The following CASTOR2 variants were observed in gnomAD, a reference collection of about 807,000 sequenced individuals.
CASTOR2 encodes the protein GATS protein like 2.
A neutral mutation model predicts 31.2 loss-of-function variants in CASTOR2; 8 were observed. The ratio of observed to expected loss-of-function variants is 0.26; its 90% CI spans 0.15 to 0.46. CASTOR2 has a LOEUF of 0.46. Ranked by LOEUF, CASTOR2 falls within the 20% of genes least tolerant of loss-of-function variation. The pLI, the probability that CASTOR2 is intolerant of heterozygous loss-of-function variation, is 0.99. For missense variants in CASTOR2, 216 were observed against 382.1 expected, an observed-to-expected ratio of 0.57 and a Z score of 3.62; for synonymous variants, 162 against 158.7, an observed-to-expected ratio of 1.02 and a Z score of -0.16.
intron 1 of CASTOR2, among the ~76,000 whole-genome samples, chr7:74,999,183 A>AT (rs1203005222): frequency 5.3e-5 from 8 of 150,414 alleles, no homozygotes; most frequent in South Asian, 2.1e-4. Context: ...TTTTATTTTT[A>AT]TTTTTTTTAG....
At chr7:75,018,916 C>G in intron 4 of CASTOR2, 56 bp from the exon 5 acceptor site, 1 of 1,551,588 alleles carries the variant, frequency 6.4e-7, no homozygotes, top group Non-Finnish European at 8.7e-7. Context: ...CTGCACCCAC[C>G]AGAGCTGCTG....
intron 1 of CASTOR2, among the ~76,000 whole-genome samples, chr7:74,989,453 G>A (rs1464850518): frequency 5.9e-5 from 9 of 151,778 alleles, no homozygotes; most frequent in South Asian, 2.1e-4. Flanking sequence ...ATGGAGTCTC[G>A]CTCTGTCACC....
intron 7 of CASTOR2, among the ~76,000 whole-genome samples, chr7:75,022,667 C>T (rs1317386922): frequency 6.6e-6 from 1 of 152,064 alleles, no homozygotes; most frequent in South Asian, 2.1e-4. Flanking sequence ...GGCACAGTGG[C>T]GTGCGCCTGT....
In CASTOR2 at chr7:74,996,824, G is replaced by A. The variant is rs1177652353; in HGVS notation, c.114-11170G>A. On this transcript the variant is annotated intron_variant, in intron 1 of 8. Coordinates refer to ENST00000616305, the MANE Select transcript of CASTOR2 (RefSeq NM_001145064.3). The stretch of plus-strand genomic sequence containing the variant: ...GCTCACTGCAACCTTCGCCTCCCAG[G>A]TTCAAGCAATTCTTCCGCCTCAGCC... Among the ~76,000 whole-genome samples the A allele has an allele frequency of 5.5e-4, 74 of 134,606 alleles. 3 individuals carry two copies. The highest frequency in any genetic ancestry group is 2.0e-3 in the African/African-American group (72 of 36,794). 88.3% of individuals were successfully genotyped at this position (134,606 alleles called of 152,430 possible). A position where few individuals can be genotyped will look rare whatever the true frequency, so the allele number is the denominator to read the frequency against.
intron 2 of CASTOR2, among the ~76,000 whole-genome samples, chr7:75,015,384 C>G (rs1288348689): frequency 6.6e-6 from 1 of 152,220 alleles, no homozygotes; most frequent in Non-Finnish European, 1.5e-5. Context: ...ATCCTCCCAC[C>G]TCAACCTCCC....
intron 1 of CASTOR2, among the ~76,000 whole-genome samples, chr7:74,985,315 C>T (rs1247798924): frequency 6.6e-6 from 1 of 151,934 alleles, no homozygotes; most frequent in Non-Finnish European, 1.5e-5. Context: ...GGGTTGGGGA[C>T]AATGGCTCAC....
At chr7:75,015,960 G>A (rs1306334214) in intron 2 of CASTOR2, among the ~76,000 whole-genome samples, 3 of 152,168 alleles carry the variant, frequency 2.0e-5, no homozygotes, top group Admixed American at 6.6e-5. Context: ...CCAGCTACTC[G>A]GGAGGCCGAG....
At chr7:75,015,828 A>G (rs1804851368) in intron 2 of CASTOR2, among the ~76,000 whole-genome samples, 1 of 151,976 alleles carries the variant, frequency 6.6e-6, no homozygotes, top group South Asian at 2.1e-4. Flanking sequence ...GCCCTTTGAG[A>G]GGCCAAGGCG....
Position 75,028,301 on chromosome 7 carries a change from G to T in CASTOR2, c.*3602G>T, listed in dbSNP as rs1246590794. Among the ~76,000 whole-genome samples the T allele has an allele frequency of 6.6e-6, 1 of 151,772 alleles. No homozygotes were observed. The highest frequency in any genetic ancestry group is 1.5e-5 in the Non-Finnish European group (1 of 67,916). ...ACACGCGGCTAATTTTTGTATTTTT[G>T]GTAGAGACGGGGTTTCACCATGTTG... On this transcript the variant is annotated 3_prime_UTR_variant, in exon 9 of 9. Transcript: ENST00000616305.
chr7:75,004,452 CTTT>C (rs1192035620), intron 1 of CASTOR2, among the ~76,000 whole-genome samples: 2 of 136,258 alleles, frequency 1.5e-5, no homozygotes, highest in African/African-American at 5.5e-5. Flanking sequence ...CTAGCACAGG[CTTT>C]TTTTTTTTTT....
At position 75,020,028 on chromosome 7, in the gene CASTOR2, C is replaced by T; in HGVS notation, c.636-11C>T. On this transcript the variant is annotated splice_polypyrimidine_tract_variant and intron_variant, in intron 5 of 8. Transcript: ENST00000616305. Reference sequence around the variant, plus strand: ...GGGGCCCCATCTTTACCAGCTGCCTCTGGTCCCCAGAGTGAAGGACCCCAT... The same window carrying T: ...GGGGCCCCATCTTTACCAGCTGCCTTTGGTCCCCAGAGTGAAGGACCCCAT... 1 of 1,551,048 alleles carries T rather than the reference C, an allele frequency of 6.4e-7. No individual in the cohort carries two copies. Among genetic ancestry groups the T allele is most frequent in the South Asian group, 1.2e-5 (1 of 84,038 alleles).
chr7:74,985,822 C>T (rs1804049616), intron 1 of CASTOR2, among the ~76,000 whole-genome samples: 1 of 152,038 alleles, frequency 6.6e-6, no homozygotes, highest in Non-Finnish European at 1.5e-5. Flanking sequence ...GTGGTTGCTC[C>T]AGATGGATAC....
chr7:74,995,669 G>A (rs1439978356), intron 1 of CASTOR2, among the ~76,000 whole-genome samples: 2 of 151,998 alleles, frequency 1.3e-5, no homozygotes, highest in African/African-American at 4.8e-5. Flanking sequence ...TTAGCCAGGT[G>A]TGGTGGCAGG....
At chr7:74,993,843 A>G (rs1263579265) in intron 1 of CASTOR2, among the ~76,000 whole-genome samples, 1 of 150,588 alleles carries the variant, frequency 6.6e-6, no homozygotes, top group Non-Finnish European at 1.5e-5. Flanking sequence ...TCTCTCTGCT[A>G]CTTTAGCTGG....
intron 1 of CASTOR2, among the ~76,000 whole-genome samples, chr7:74,992,488 G>C (rs1400106713): frequency 1.3e-5 from 2 of 152,104 alleles, no homozygotes; most frequent in Non-Finnish European, 2.9e-5. Context: ...CACCCAGGCT[G>C]GAGTGCAGTG....
intron 1 of CASTOR2, among the ~76,000 whole-genome samples, chr7:74,998,877 G>A (rs1454077214): frequency 7.2e-5 from 11 of 151,994 alleles, no homozygotes; most frequent in African/African-American, 2.4e-4. Context: ...TGCCCTATCC[G>A]TCCCCTTTGG....
At position 74,970,237 on chromosome 7, in the gene CASTOR2, G is replaced by A. The variant is rs1234164150; in HGVS notation, c.113+5139G>A. Among the ~76,000 whole-genome samples, 79 of 120,008 alleles carry A rather than the reference G, an allele frequency of 6.6e-4. 1 individual carries two copies. The highest frequency in any genetic ancestry group is 4.9e-3 in the South Asian group (16 of 3,296). The allele number at this position is 120,008 out of a possible 152,430, so 78.7% of individuals were successfully genotyped here. A position where few individuals can be genotyped will look rare whatever the true frequency, so the allele number is the denominator to read the frequency against. On this transcript the variant is annotated intron_variant, in intron 1 of 8. Coordinates refer to ENST00000616305, the MANE Select transcript of CASTOR2 (RefSeq NM_001145064.3). ...AAGCAGAGCCCAGCGACCCTGTCCC[G>A]GGTCTGCTGAACCAGGCCTCTGCCC...
chr7:74,999,345 A>C (rs1218147743), intron 1 of CASTOR2, among the ~76,000 whole-genome samples: 1 of 151,974 alleles, frequency 6.6e-6, no homozygotes, highest in Non-Finnish European at 1.5e-5. Flanking sequence ...ACTCCTGTTC[A>C]GGATCGCCCT....
At chr7:75,004,300 C>G (rs1359465277) in intron 1 of CASTOR2, among the ~76,000 whole-genome samples, 200 of 152,192 alleles carry the variant, frequency 1.3e-3, no homozygotes, top group Non-Finnish European at 2.3e-3. Flanking sequence ...GCAATACTTG[C>G]AAATTGGATA....
Sources: allele counts gnomAD v4.1 joint callset (sites outside exome capture counted in the v4.1 genomes callset), GRCh38; gene constraint gnomAD v4.1.1; transcripts MANE v1.5; gene names NCBI Gene and HGNC (gene_info 2026-07-23, HGNC 2026-07-21).